Variants in ANKS1B observed in about 807,000 individuals in gnomAD.
ANKS1B encodes the protein ankyrin repeat and sterile alpha motif domain containing 1B.
In ANKS1B, 36 loss-of-function variants were observed where a neutral mutation model predicts 148.3. The observed-to-expected ratio is 0.24, with a 90% CI of 0.19 to 0.32. ANKS1B has a LOEUF of 0.32. ANKS1B is among the 10% of genes least tolerant of loss of function. The pLI, the probability that ANKS1B is intolerant of heterozygous loss-of-function variation, is 1.00. For synonymous variants in ANKS1B, 542 were observed against 560.8 expected (o/e 0.97, Z 0.47); for missense variants, 1,157 against 1,542.6 (o/e 0.75, Z 4.19).
intron 17 of ANKS1B, among the ~76,000 whole-genome samples, chr12:99,037,484 G>A (rs1330944011): frequency 6.7e-6 from 1 of 150,212 alleles, no homozygotes; most frequent in Non-Finnish European, 1.5e-5. Context: ...CAGCTGGGGC[G>A]ACAGAGCTCT....
intron 7 of ANKS1B, among the ~76,000 whole-genome samples, chr12:99,775,198 T>A (rs1269795693): frequency 6.6e-6 from 1 of 152,156 alleles, no homozygotes; most frequent in African/African-American, 2.4e-5. Flanking sequence ...ATGGCTATGT[T>A]AATTAGCTTG....
At chr12:99,233,081 TA>T (rs1291820918) in intron 14 of ANKS1B, among the ~76,000 whole-genome samples, 1 of 152,080 alleles carries the variant, frequency 6.6e-6, no homozygotes, top group African/African-American at 2.4e-5. Context: ...AAATATTGTA[TA>T]AAATTACATT....
At chr12:99,591,858 G>T (rs1380925539) in intron 9 of ANKS1B, among the ~76,000 whole-genome samples, 4 of 152,082 alleles carry the variant, frequency 2.6e-5, no homozygotes, top group African/African-American at 9.7e-5. Context: ...CTACATAAAT[G>T]GATATAGACC....
At chr12:99,841,015 G>T (rs370323101) in intron 1 of ANKS1B, among the ~76,000 whole-genome samples, 1 of 152,044 alleles carries the variant, frequency 6.6e-6, no homozygotes, top group African/African-American at 2.4e-5. Flanking sequence ...ATAAAAGCAC[G>T]GACTCAGGAT....
At chr12:99,335,528 A>G (rs1468755775) in intron 12 of ANKS1B, among the ~76,000 whole-genome samples, 4 of 151,748 alleles carry the variant, frequency 2.6e-5, no homozygotes, top group Admixed American at 2.6e-4. Flanking sequence ...TCTAGTAACC[A>G]CCATTTTATT....
chr12:99,529,224 G>A (rs969262865), intron 9 of ANKS1B, among the ~76,000 whole-genome samples: 3 of 152,168 alleles, frequency 2.0e-5, no homozygotes, highest in African/African-American at 7.2e-5. Context: ...TAGATCAGAA[G>A]TCAACAAGAA....
rs558589326 is a variant in ANKS1B at position 99,805,531 on chromosome 12, G to A, written c.669+873C>T. 7.9e-5 allele frequency among the ~76,000 whole-genome samples: 12 copies of A among 152,172 alleles called. No individual in the cohort carries two copies. In the South Asian group the frequency reaches 2.1e-3, roughly 26 times the overall value. On this transcript the variant is annotated intron_variant, in intron 4 of 26. Transcript: ENST00000683438. ...CCCACCAGCTACTGGAGAGGCTGAG[G>A]CAGGAGGATCACTTGAGCCCAGGAG...
chr12:99,285,577 T>C (rs1317370869), intron 12 of ANKS1B, among the ~76,000 whole-genome samples: 2 of 152,144 alleles, frequency 1.3e-5, no homozygotes, highest in African/African-American at 4.8e-5. Context: ...TGAATAACCA[T>C]CCACATAAGA....
intron 15 of ANKS1B, chr12:99,097,160 T>G (rs534260348): frequency 1.3e-5 from 2 of 152,316 alleles, no homozygotes; most frequent in East Asian, 1.9e-4. Flanking sequence ...TAAAAAACAT[T>G]TAGTCTAAAG....
At chr12:99,130,939 A>G (rs1326795387) in intron 15 of ANKS1B, among the ~76,000 whole-genome samples, 4 of 152,188 alleles carry the variant, frequency 2.6e-5, no homozygotes, top group Admixed American at 6.5e-5. Flanking sequence ...GGACTGGTTC[A>G]AAGACCACTT....
At chr12:99,816,983 A>G (rs147958734) in intron 2 of ANKS1B, among the ~76,000 whole-genome samples, 2 of 151,656 alleles carry the variant, frequency 1.3e-5, no homozygotes, top group Non-Finnish European at 3.0e-5. Flanking sequence ...AATCAGGATA[A>G]TTGGGGTATC....
intron 1 of ANKS1B, among the ~76,000 whole-genome samples, chr12:99,927,699 T>G (rs563191576): frequency 6.6e-6 from 1 of 152,088 alleles, no homozygotes; most frequent in African/African-American, 2.4e-5. Flanking sequence ...GGAGGATCAC[T>G]TGGGCCCAGG....
intron 11 of ANKS1B, among the ~76,000 whole-genome samples, chr12:99,432,178 G>A (rs943171591): frequency 2.0e-5 from 3 of 152,196 alleles, no homozygotes; most frequent in African/African-American, 2.4e-5. Flanking sequence ...CCAGCCTGCA[G>A]AAGTGTGAGT....
intron 9 of ANKS1B, among the ~76,000 whole-genome samples, chr12:99,575,467 G>A (rs1222521185): frequency 1.3e-5 from 2 of 151,972 alleles, no homozygotes; most frequent in Admixed American, 6.6e-5. Context: ...CCCAAGACTG[G>A]GTAATTTATA....
At chr12:99,580,019 A>T (rs2097555520) in intron 9 of ANKS1B, among the ~76,000 whole-genome samples, 1 of 152,194 alleles carries the variant, frequency 6.6e-6, no homozygotes, top group African/African-American at 2.4e-5. Context: ...ATGCAGCCAT[A>T]AAAAGGAATG....
At chr12:99,340,937 C>T (rs1039205147) in intron 12 of ANKS1B, among the ~76,000 whole-genome samples, 3 of 152,014 alleles carry the variant, frequency 2.0e-5, no homozygotes, top group African/African-American at 7.2e-5. Flanking sequence ...CTAGATTTAT[C>T]TCAATATATA....
chr12:99,937,074 A>G (rs1189292775), intron 1 of ANKS1B, among the ~76,000 whole-genome samples: 10 of 152,162 alleles, frequency 6.6e-5, no homozygotes, highest in Non-Finnish European at 1.5e-4. Flanking sequence ...ACCTGTTATC[A>G]ATACGCACAT....
At chr12:98,931,607 C>T (rs2099813728) in intron 17 of ANKS1B, 1 of 152,130 alleles carries the variant, frequency 6.6e-6, no homozygotes, top group Non-Finnish European at 1.5e-5. Context: ...CCTGTTACAA[C>T]CATGTTTTGT....
intron 10 of ANKS1B, among the ~76,000 whole-genome samples, chr12:99,464,636 G>A (rs1233456247): frequency 5.3e-5 from 8 of 152,176 alleles, no homozygotes; most frequent in Non-Finnish European, 1.2e-4. Flanking sequence ...CGAGAACTAC[G>A]TGAAGAATGC....
Sources: allele counts gnomAD v4.1 joint callset (sites outside exome capture counted in the v4.1 genomes callset), GRCh38; gene constraint gnomAD v4.1.1; transcripts MANE v1.5; gene names NCBI Gene and HGNC (gene_info 2026-07-23, HGNC 2026-07-21).